The following DDX60L variants were observed in gnomAD, a reference collection of about 807,000 sequenced individuals.
DDX60L encodes DExD/H-box 60 like.
Under a neutral mutation model 211.6 loss-of-function variants are expected in DDX60L, and 191 were observed. That is an observed-to-expected ratio of 0.90 (90% CI 0.80 to 1.02). The LOEUF is 1.02. Ranked by LOEUF, DDX60L falls within the 50% of genes least tolerant of loss-of-function variation. The pLI, the probability that DDX60L is intolerant of heterozygous loss-of-function variation, is 0.00. For synonymous variants in DDX60L, 706 were observed against 694.1 expected (o/e 1.02, Z -0.27); for missense variants, 2,007 against 1,984.1 (o/e 1.01, Z -0.22).
chr4:168,446,297 A>C (rs1224195057), intron 9 of DDX60L, among the ~76,000 whole-genome samples: 1 of 152,198 alleles, frequency 6.6e-6, no homozygotes, highest in Non-Finnish European at 1.5e-5. Context: ...CAAAGAGAAT[A>C]AAATACCTAG....
At chr4:168,412,237 G>A (rs1310193021) in intron 22 of DDX60L, among the ~76,000 whole-genome samples, 1 of 151,754 alleles carries the variant, frequency 6.6e-6, no homozygotes, top group East Asian at 2.0e-4. Context: ...TTGTCTTGCA[G>A]CTCAGATGCC....
chr4:168,430,473 T>A lies in DDX60L; in HGVS notation c.1677+5A>T. The A allele has an allele frequency of 2.6e-6, 4 of 1,562,210 alleles. No individual in the cohort carries two copies. Among genetic ancestry groups the A allele is most frequent in the Non-Finnish European group, 3.4e-6 (4 of 1,160,784 alleles). ...AAAAAATTAGGTAAAATCTTTGCGATCTACCTGTAATATTTCACCACTGGC... is the reference window on the plus strand; with the variant it reads ...AAAAAATTAGGTAAAATCTTTGCGAACTACCTGTAATATTTCACCACTGGC... On this transcript the variant is annotated splice_donor_5th_base_variant and intron_variant, in intron 13 of 37. Transcript: ENST00000682922.
intron 10 of DDX60L, among the ~76,000 whole-genome samples, chr4:168,436,105 G>A (rs1753005174): frequency 2.0e-5 from 3 of 152,164 alleles, no homozygotes; most frequent in Non-Finnish European, 4.4e-5. Flanking sequence ...TTGTGAATTT[G>A]GAAAGCTACA....
At chr4:168,457,261 TACACACACAC>T (rs70961523) in intron 6 of DDX60L, among the ~76,000 whole-genome samples, 2 of 145,204 alleles carry the variant, frequency 1.4e-5, no homozygotes, top group East Asian at 2.0e-4. Context: ...ATAAACTACA[TACACACACAC>T]ACACACACAC....
At position 168,415,438 on chromosome 4, in the gene DDX60L, A is replaced by C. The variant is rs897874425; in HGVS notation, c.2949T>G (p.Phe983Leu). The C allele has an allele frequency of 6.2e-7, 1 of 1,607,404 alleles. No homozygotes were observed. Among genetic ancestry groups the C allele is most frequent in the African/African-American group, 1.3e-5 (1 of 74,950 alleles). Residue 983 changes from phenylalanine (F) to leucine (L), a missense_variant, in exon 22 of 38, where the codon TTT (phenylalanine) becomes TTG (leucine). Coordinates refer to ENST00000682922, the MANE Select transcript of DDX60L (RefSeq NM_001012967.3). ...VKHDDVYFDH[F>L]HPCAALTTDI... The stretch of plus-strand genomic sequence containing the variant: ...CTGTCGTTAGCGCAGCACAGGGATG[A>C]AAATGATCAAAATAAACATCATCAT...
intron 27 of DDX60L, chr4:168,395,621 AC>A: frequency 5.7e-6 from 1 of 175,576 alleles, no homozygotes; most frequent in Non-Finnish European, 1.2e-5. Context: ...CTTTCAGTTG[AC>A]ATTATTTAAA....
At chr4:168,471,698 C>A in intron 4 of DDX60L, 49 bp downstream of exon 4, 1 of 1,423,572 alleles carries the variant, frequency 7.0e-7, no homozygotes, top group Non-Finnish European at 9.5e-7. Context: ...TAAGACATTT[C>A]AGTTATAGTC....
At chr4:168,417,321 C>A (rs1321220107) in intron 19 of DDX60L, among the ~76,000 whole-genome samples, 1 of 152,168 alleles carries the variant, frequency 6.6e-6, no homozygotes, top group Non-Finnish European at 1.5e-5. Context: ...GCCACTTTCC[C>A]CGCCATGCAC....
chr4:168,371,861 C>T (rs951753871), intron 35 of DDX60L, 98 bp from the exon 36 acceptor site: 87 of 1,181,938 alleles, frequency 7.4e-5, no homozygotes, highest in Middle Eastern at 4.7e-4. Context: ...TCTTAAAGTA[C>T]GTTCTGAAGA....
chr4:168,379,811 T>A lies in DDX60L; in HGVS notation c.4136A>T (p.His1379Leu). The A allele has an allele frequency of 6.2e-7, 1 of 1,612,440 alleles. No homozygotes were observed. The highest frequency in any genetic ancestry group is 8.5e-7 in the Non-Finnish European group (1 of 1,179,080). ...TCGTCTCTTAAAAGACAGCAATGAA[T>A]GCTTTAGCACTGACAACACCTATAA... ...AKAKVLSVLK[H>L]SLLSFKRRRA... Residue 1379 changes from histidine to leucine, a missense_variant, in exon 31 of 38, where the codon CAT (histidine) becomes CTT (leucine). Coordinates refer to ENST00000682922, the MANE Select transcript of DDX60L (RefSeq NM_001012967.3).
At chr4:168,378,244 A>C (rs1560946451) in intron 33 of DDX60L, 110 bp downstream of exon 33, 2 of 573,904 alleles carry the variant, frequency 3.5e-6, no homozygotes, top group Non-Finnish European at 5.6e-6. Context: ...CACTATTAAA[A>C]CAAATGGAGT....
intron 9 of DDX60L, among the ~76,000 whole-genome samples, chr4:168,442,868 C>T (rs1261822743): frequency 6.6e-6 from 1 of 151,392 alleles, no homozygotes; most frequent in African/African-American, 2.4e-5. Flanking sequence ...ACACCAAAAA[C>T]CCATCTGTAC....
rs1740775751 is a variant in DDX60L, at chr4:168,370,275, T to A, written c.4928+1337A>T. On this transcript the variant is annotated intron_variant, in intron 36 of 37. Coordinates refer to ENST00000682922, the MANE Select transcript of DDX60L (RefSeq NM_001012967.3). ...TGAAATCCTGTCATTTGTGGCAACATGAATCAATCTGGAGGACATTATGTT... is the reference window on the plus strand; with the variant it reads ...TGAAATCCTGTCATTTGTGGCAACAAGAATCAATCTGGAGGACATTATGTT... Among the ~76,000 whole-genome samples, 3 of 152,152 alleles carry A rather than the reference T, an allele frequency of 2.0e-5. No homozygotes were observed. In the South Asian group the frequency reaches 6.2e-4, roughly 31 times the overall value.
At chr4:168,429,494 G>C (rs990625360) in intron 13 of DDX60L, among the ~76,000 whole-genome samples, 2 of 152,132 alleles carry the variant, frequency 1.3e-5, no homozygotes, top group African/African-American at 4.8e-5. Flanking sequence ...CTAAATCCAA[G>C]CTTGTAATTC....
chr4:168,368,277 G>A (rs1262107085), intron 36 of DDX60L, among the ~76,000 whole-genome samples: 1 of 152,206 alleles, frequency 6.6e-6, no homozygotes, highest in African/African-American at 2.4e-5. Context: ...AGCTGCTCCA[G>A]CCATGGCTGA....
chr4:168,375,951 T>C (rs1741875576), intron 33 of DDX60L, among the ~76,000 whole-genome samples: 1 of 152,222 alleles, frequency 6.6e-6, no homozygotes, highest in African/African-American at 2.4e-5. Context: ...CAGTTAATCC[T>C]GAGAACAACC....
chr4:168,378,266 A>G (rs1742314808), intron 33 of DDX60L, 88 bp downstream of exon 33: 1 of 710,370 alleles, frequency 1.4e-6, no homozygotes, highest in South Asian at 3.0e-5. Flanking sequence ...GCTTATATTA[A>G]TTTAACCCTA....
intron 28 of DDX60L, among the ~76,000 whole-genome samples, chr4:168,392,840 C>CAAAA (rs60915238): frequency 3.1e-4 from 39 of 126,582 alleles, no homozygotes; most frequent in African/African-American, 1.1e-3. Flanking sequence ...AACTCTGTCT[C>CAAAA]AAAAAAAAAA....
intron 37 of DDX60L, among the ~76,000 whole-genome samples, chr4:168,358,528 T>A (rs7653974): frequency 3.1e-5 from 1 of 32,434 alleles, no homozygotes; most frequent in Non-Finnish European, 1.8e-4. Context: ...CTTTTTCTTT[T>A]TTTTTTTTTT....
Sources: allele counts gnomAD v4.1 joint callset (sites outside exome capture counted in the v4.1 genomes callset), GRCh38; gene constraint gnomAD v4.1.1; transcripts MANE v1.5; gene names NCBI Gene and HGNC (gene_info 2026-07-23, HGNC 2026-07-21).